NKAIN2: variants seen among roughly 807,000 people sequenced by gnomAD.
NKAIN2 encodes the protein sodium/potassium-transporting ATPase subunit beta-1-interacting protein 2.
In NKAIN2, 14 loss-of-function variants were observed where a neutral mutation model predicts 32.6. The observed-to-expected ratio is 0.43, with a 90% confidence interval of 0.28 to 0.67. The LOEUF is 0.67. Ranked by LOEUF, NKAIN2 falls within the 30% of genes least tolerant of loss-of-function variation. NKAIN2 has a pLI of 0.17. For missense variants in NKAIN2, 198 were observed against 258.3 expected (o/e 0.77, Z 1.60); for synonymous variants, 80 against 87.2 (o/e 0.92, Z 0.46).
intron 4 of NKAIN2, among the ~76,000 whole-genome samples, chr6:124,734,269 T>G (rs870582): frequency 0.12 from 18,933 of 151,796 alleles, 1,530 homozygotes; most frequent in East Asian, 0.35. Flanking sequence ...TCTTAAATCT[T>G]GACCCTATTT....
chr6:124,633,699 C>T (rs767132223), intron 3 of NKAIN2, among the ~76,000 whole-genome samples: 20 of 152,164 alleles, frequency 1.3e-4, no homozygotes, highest in Non-Finnish European at 2.5e-4. Context: ...AAAATGAGAT[C>T]AGGTTTCAAT....
At chr6:123,911,814 C>CAT (rs1464799980) in intron 1 of NKAIN2, among the ~76,000 whole-genome samples, 1 of 54,182 alleles carries the variant, frequency 1.8e-5, no homozygotes, top group Non-Finnish European at 3.5e-5. Context: ...TATATATATA[C>CAT]ACACACACAC....
rs563615543 is a variant in NKAIN2 at position 123,831,980 on chromosome 6, A to G, written c.54+27726A>G. Among the ~76,000 whole-genome samples, 20 of 152,270 alleles carry G rather than the reference A, an allele frequency of 1.3e-4. No homozygotes were observed. In the South Asian group the frequency reaches 4.1e-3, roughly 32 times the overall value. On this transcript the variant is annotated intron_variant, in intron 1 of 6. Coordinates refer to ENST00000368417, the MANE Select transcript of NKAIN2 (RefSeq NM_001040214.3). ...ATAGTTGTTGAGCCTGTATTGACAC[A>G]TTGTAATCCCTGAATCCGTTTTCAT...
chr6:124,680,525 C>A (rs968494773), intron 4 of NKAIN2, among the ~76,000 whole-genome samples: 7 of 152,074 alleles, frequency 4.6e-5, no homozygotes, highest in African/African-American at 1.7e-4. Context: ...GTCAGAGTTC[C>A]TACATACAGG....
rs1378598171 is a variant in NKAIN2 at position 124,082,284 on chromosome 6, CTACGTCCTTTTT to C, written c.55-200718_55-200707del. ...ATCAAAGTGTTATATGAGTTATTTA[CTACGTCCTTTTT>C]TATCCAATTGCTTAATGCTATAGGC... On this transcript the variant is annotated intron_variant, in intron 1 of 6. Coordinates refer to ENST00000368417, the MANE Select transcript of NKAIN2 (RefSeq NM_001040214.3). 3.3e-5 allele frequency among the ~76,000 whole-genome samples: 5 copies of C among 152,158 alleles called. No homozygotes were observed. The East Asian group carries it at 9.7e-4, about 29-fold the overall frequency.
chr6:123,901,791 A>G (rs1222903061), intron 1 of NKAIN2, among the ~76,000 whole-genome samples: 1 of 152,172 alleles, frequency 6.6e-6, no homozygotes, highest in African/African-American at 2.4e-5. Context: ...CTCATCTGAC[A>G]CAAGAGTTTC....
At chr6:123,839,216 C>T (rs1469984182) in intron 1 of NKAIN2, among the ~76,000 whole-genome samples, 5 of 148,270 alleles carry the variant, frequency 3.4e-5, no homozygotes, top group Non-Finnish European at 7.4e-5. Flanking sequence ...TACTTCTAAA[C>T]CTAAACACTC....
chr6:124,348,927 G>T (rs1036699327), intron 2 of NKAIN2, among the ~76,000 whole-genome samples: 2 of 152,120 alleles, frequency 1.3e-5, no homozygotes, highest in African/African-American at 2.4e-5. Context: ...CTTAAAAAAC[G>T]GTGCACCAGG....
chr6:124,668,518 T>C (rs1365509670), intron 4 of NKAIN2, among the ~76,000 whole-genome samples: 2 of 152,158 alleles, frequency 1.3e-5, no homozygotes, highest in Non-Finnish European at 2.9e-5. Flanking sequence ...ACCTAATTGA[T>C]TTCTTCATCA....
intron 3 of NKAIN2, among the ~76,000 whole-genome samples, chr6:124,519,245 A>G (rs1583376358): frequency 6.6e-6 from 1 of 152,228 alleles, no homozygotes; most frequent in African/African-American, 2.4e-5. Flanking sequence ...AGTCATGAAC[A>G]AGAACCAAAA....
At position 124,407,694 on chromosome 6, in the gene NKAIN2, C is replaced by A. The variant is rs1234079520; in HGVS notation, c.273+52347C>A. Among the ~76,000 whole-genome samples, 5 of 152,030 alleles carry A rather than the reference C, an allele frequency of 3.3e-5. No individual in the cohort carries two copies. The East Asian group carries it at 5.8e-4, about 18-fold the overall frequency. On this transcript the variant is annotated intron_variant, in intron 3 of 6. Coordinates refer to ENST00000368417, the MANE Select transcript of NKAIN2 (RefSeq NM_001040214.3). ...TCTTTATAGCAGCATGATTTATAAT[C>A]CTTTGGGTATATACCCAGTAATGAG...
At chr6:124,200,224 T>C (rs1448982729) in intron 1 of NKAIN2, among the ~76,000 whole-genome samples, 2 of 152,160 alleles carry the variant, frequency 1.3e-5, no homozygotes, top group African/African-American at 4.8e-5. Flanking sequence ...AGGCAGCCTA[T>C]AGCTCAGGAG....
chr6:124,225,573 T>G (rs1792061297), intron 1 of NKAIN2, among the ~76,000 whole-genome samples: 1 of 152,008 alleles, frequency 6.6e-6, no homozygotes, highest in Admixed American at 6.6e-5. Flanking sequence ...AATTTGGAAA[T>G]GTTATGACAT....
At chr6:123,970,841 C>T (rs978698802) in intron 1 of NKAIN2, among the ~76,000 whole-genome samples, 1 of 151,724 alleles carries the variant, frequency 6.6e-6, no homozygotes, top group Non-Finnish European at 1.5e-5. Flanking sequence ...GAGATCGCGC[C>T]ACTGCACTCC....
At chr6:124,395,304 T>G (rs1773330546) in intron 3 of NKAIN2, among the ~76,000 whole-genome samples, 1 of 152,172 alleles carries the variant, frequency 6.6e-6, no homozygotes, top group Non-Finnish European at 1.5e-5. Flanking sequence ...TATGAAATTC[T>G]TCCATCTGTC....
chr6:124,021,470 A>G (rs1474654733), intron 1 of NKAIN2, among the ~76,000 whole-genome samples: 2 of 151,990 alleles, frequency 1.3e-5, no homozygotes, highest in African/African-American at 2.4e-5. Flanking sequence ...TTTGTGTAAT[A>G]TATTTACTGT....
At chr6:124,573,041 C>T (rs1245779064) in intron 3 of NKAIN2, among the ~76,000 whole-genome samples, 3 of 151,896 alleles carry the variant, frequency 2.0e-5, no homozygotes, top group Admixed American at 6.6e-5. Context: ...GGTTTCACTC[C>T]GTTGGCCAAG....
chr6:124,642,444 C>G (rs1317890163), intron 3 of NKAIN2, among the ~76,000 whole-genome samples: 1 of 152,122 alleles, frequency 6.6e-6, no homozygotes, highest in Non-Finnish European at 1.5e-5. Context: ...CAGCAGAAAA[C>G]AAGCCATGAC....
chr6:123,903,539 G>GAA (rs1774707170), intron 1 of NKAIN2, among the ~76,000 whole-genome samples: 1 of 152,134 alleles, frequency 6.6e-6, no homozygotes, highest in Non-Finnish European at 1.5e-5. Context: ...TAGAGCAAGA[G>GAA]AAAGTTGACT....
Sources: gnomAD v4.1 joint callset for allele counts (sites outside exome capture counted in the v4.1 genomes callset) on GRCh38, gnomAD v4.1.1 for gene constraint, MANE v1.5 for transcripts, NCBI Gene and HGNC (gene_info 2026-07-23, HGNC 2026-07-21) for gene names.